Variants in CALN1 observed in about 807,000 individuals in gnomAD.
CALN1 encodes the protein calneuron 1, also known as calcium-binding protein 8.
CALN1 carries 17 observed loss-of-function variants against 30.6 expected under a neutral mutation model. The ratio of observed to expected loss-of-function variants is 0.56; its 90% CI spans 0.38 to 0.83. The LOEUF (loss-of-function observed/expected upper bound fraction) is 0.83, where lower values mean the gene tolerates loss of function less well. Ranked by LOEUF, CALN1 falls within the 40% of genes least tolerant of loss-of-function variation. The pLI is 0.00. For synonymous variants in CALN1, 156 were observed against 131.4 expected (o/e 1.19, Z -1.28); for missense variants, 291 against 354.9 (o/e 0.82, Z 1.45).
Position 72,051,633 on chromosome 7 carries a change from A to G in CALN1, c.389-27864T>C, listed in dbSNP as rs377029377. Among the ~76,000 whole-genome samples, 6 of 152,340 alleles carry G rather than the reference A, an allele frequency of 3.9e-5. No homozygotes were observed. In the East Asian group the frequency reaches 1.2e-3, roughly 29 times the overall value. ...TACACAAAAGAAAACCAACCAACAC[A>G]TCTCACATGCAAAAACGCTAAAGCT... On this transcript the variant is annotated intron_variant, in intron 4 of 6. Transcript: ENST00000395275.
At chr7:71,885,106 G>A (rs562900307) in intron 5 of CALN1, among the ~76,000 whole-genome samples, 23 of 152,234 alleles carry the variant, frequency 1.5e-4, no homozygotes, top group Non-Finnish European at 2.8e-4. Flanking sequence ...CTCCCTGCCC[G>A]CTCCGCTTTG....
At chr7:72,078,475 T>C (rs529816868) in intron 4 of CALN1, among the ~76,000 whole-genome samples, 1 of 152,068 alleles carries the variant, frequency 6.6e-6, no homozygotes, top group African/African-American at 2.4e-5. Context: ...CTCCCCTGAT[T>C]CCTAATTAAA....
intron 5 of CALN1, among the ~76,000 whole-genome samples, chr7:71,948,537 C>T (rs1796521847): frequency 6.6e-6 from 1 of 151,924 alleles, no homozygotes; most frequent in Admixed American, 6.6e-5. Context: ...CCAGACTAGC[C>T]TGGCCAACAC....
intron 5 of CALN1, among the ~76,000 whole-genome samples, chr7:71,962,174 C>T (rs1427265519): frequency 6.6e-6 from 1 of 151,582 alleles, no homozygotes; most frequent in South Asian, 2.1e-4. Flanking sequence ...TGGAGGATCA[C>T]TTGAGGCCAG....
chr7:71,812,083 C>G (rs1787992608), intron 5 of CALN1, among the ~76,000 whole-genome samples: 2 of 152,176 alleles, frequency 1.3e-5, no homozygotes, highest in African/African-American at 4.8e-5. Context: ...TTTGTTCTTT[C>G]CCTCTGCTAT....
At chr7:71,921,800 C>T (rs1298158235) in intron 5 of CALN1, among the ~76,000 whole-genome samples, 1 of 152,080 alleles carries the variant, frequency 6.6e-6, no homozygotes, top group Non-Finnish European at 1.5e-5. Context: ...GCTTTGAAAA[C>T]CCTTTCTCAC....
rs3065015 is a variant in CALN1, at chr7:72,079,761, C to CTTTTTTTTTTTT, written c.388+26378_388+26389dup. 6.6e-3 allele frequency among the ~76,000 whole-genome samples: 687 copies of CTTTTTTTTTTTT among 104,002 alleles called. 37 individuals carry two copies. The highest frequency in any genetic ancestry group is 0.018 in the African/African-American group (447 of 25,032). 68.2% of individuals were successfully genotyped at this position (104,002 alleles called of 152,430 possible). A position where few individuals can be genotyped will look rare whatever the true frequency, so the allele number is the denominator to read the frequency against. The stretch of plus-strand genomic sequence containing the variant: ...AAATGCCCAAGAGGTTGCCTTTTTC[C>CTTTTTTTTTTTT]TTTTTTTTTTTTTTTTTTTTTTTTT... On this transcript the variant is annotated intron_variant, in intron 4 of 6. Coordinates refer to ENST00000395275, the MANE Select transcript of CALN1 (RefSeq NM_031468.4).
rs73360063 is a variant in CALN1 at position 71,794,991 on chromosome 7, G to C, written c.659-7089C>G. The stretch of plus-strand genomic sequence containing the variant: ...TCCTCATTTTCTTCAGTGTAGATCA[G>C]TGGTGCCTTCTGATCTTGCCTATTT... On this transcript the variant is annotated intron_variant, in intron 6 of 6. Coordinates refer to ENST00000395275, the MANE Select transcript of CALN1 (RefSeq NM_031468.4). Among the ~76,000 whole-genome samples the C allele has an allele frequency of 3.0e-3, 409 of 134,878 alleles. 3 individuals carry two copies. The highest frequency in any genetic ancestry group is 0.011 in the African/African-American group (399 of 36,114). 88.5% of individuals were successfully genotyped at this position (134,878 alleles called of 152,430 possible). A position where few individuals can be genotyped will look rare whatever the true frequency, so the allele number is the denominator to read the frequency against.
intron 5 of CALN1, among the ~76,000 whole-genome samples, chr7:71,852,510 G>A (rs960820425): frequency 4.6e-5 from 7 of 151,200 alleles, no homozygotes; most frequent in African/African-American, 1.7e-4. Context: ...TGAAGTGGGA[G>A]GATCCCTTGA....
chr7:72,424,418 G>A (rs577114002), intron 1 of CALN1, among the ~76,000 whole-genome samples: 1 of 152,232 alleles, frequency 6.6e-6, no homozygotes, highest in African/African-American at 2.4e-5. Flanking sequence ...GGACTAAAAT[G>A]TGTAGTGCCC....
chr7:72,460,696 G>A, the CALN1 span, among the ~76,000 whole-genome samples: 1 of 152,014 alleles, frequency 6.6e-6, no homozygotes, highest in East Asian at 1.9e-4. Context: ...TTCTGTGAAC[G>A]CATGGGATAC....
At chr7:72,148,924 G>A (rs79821372) in intron 3 of CALN1, among the ~76,000 whole-genome samples, 8,571 of 97,598 alleles carry the variant, frequency 0.088, 365 homozygotes, top group South Asian at 0.19. Flanking sequence ...AAGAAAGAAA[G>A]AAAGAAAAAA....
intron 2 of CALN1, among the ~76,000 whole-genome samples, chr7:72,306,257 ATC>A (rs1248118789): frequency 6.6e-6 from 1 of 152,218 alleles, no homozygotes; most frequent in Non-Finnish European, 1.5e-5. Flanking sequence ...TCTGTAAAGA[ATC>A]TCTATTCACA....
At chr7:72,383,215 A>C (rs1294832281) in intron 2 of CALN1, among the ~76,000 whole-genome samples, 1 of 152,158 alleles carries the variant, frequency 6.6e-6, no homozygotes, top group East Asian at 1.9e-4. Context: ...ATAATGCTGC[A>C]ATGAACGTAA....
intron 2 of CALN1, among the ~76,000 whole-genome samples, chr7:72,298,868 G>A (rs931894447): frequency 2.0e-4 from 30 of 151,324 alleles, no homozygotes; most frequent in Non-Finnish European, 3.5e-4. Flanking sequence ...TTTGCCTGCC[G>A]CCATCCACGT....
chr7:71,817,555 G>A lies in CALN1; in HGVS notation c.502-7063C>T, dbSNP rs185283347. Among the ~76,000 whole-genome samples the A allele has an allele frequency of 3.8e-3, 581 of 152,086 alleles. 5 individuals carry two copies. Among genetic ancestry groups the A allele is most frequent in the African/African-American group, 0.013 (538 of 41,504 alleles). On this transcript the variant is annotated intron_variant, in intron 5 of 6. Coordinates refer to ENST00000395275, the MANE Select transcript of CALN1 (RefSeq NM_031468.4). The stretch of plus-strand genomic sequence containing the variant: ...TTTTGAGACGGAGTCTCGCTCTGTC[G>A]CCCAGGCTGGAGTGCAGTGGTGTGA...
At chr7:71,946,376 T>G (rs868045284) in intron 5 of CALN1, among the ~76,000 whole-genome samples, 7 of 150,312 alleles carry the variant, frequency 4.7e-5, no homozygotes, top group Non-Finnish European at 8.9e-5. Flanking sequence ...TCTTTTTTTT[T>G]TTTTTTTTTG....
chr7:71,944,572 C>A (rs1191448729), intron 5 of CALN1, among the ~76,000 whole-genome samples: 1 of 23,114 alleles, frequency 4.3e-5, no homozygotes, highest in Non-Finnish European at 8.7e-5. Flanking sequence ...CCAGCCTGGG[C>A]AATAAGAGTA....
intron 5 of CALN1, among the ~76,000 whole-genome samples, chr7:71,819,091 G>T (rs1020830328): frequency 1.3e-5 from 2 of 152,100 alleles, no homozygotes; most frequent in African/African-American, 4.8e-5. Flanking sequence ...CCAGGCTCAA[G>T]CAGTCCTACC....
Sources: allele counts gnomAD v4.1 joint callset (sites outside exome capture counted in the v4.1 genomes callset), GRCh38; gene constraint gnomAD v4.1.1; transcripts MANE v1.5; gene names NCBI Gene and HGNC (gene_info 2026-07-23, HGNC 2026-07-21).